The following DGKB variants were observed in gnomAD, a reference collection of about 807,000 sequenced individuals.
DGKB encodes 90 kDa diacylglycerol kinase.
Under a neutral mutation model 114.3 loss-of-function variants are expected in DGKB, and 67 were observed. The observed-to-expected ratio is 0.59, with a 90% CI of 0.48 to 0.72. The LOEUF (loss-of-function observed/expected upper bound fraction) is 0.72. Among genes scored for constraint, DGKB ranks in the 30% least tolerant of loss-of-function variants. DGKB has a pLI of 0.00. For missense variants in DGKB, 907 were observed against 975.2 expected, an observed-to-expected ratio of 0.93 and a Z score of 0.93; for synonymous variants, 398 against 323.1, an observed-to-expected ratio of 1.23 and a Z score of -2.49.
chr7:14,345,657 C>T (rs982321831), intron 21 of DGKB, among the ~76,000 whole-genome samples: 2 of 151,528 alleles, frequency 1.3e-5, no homozygotes, highest in African/African-American at 4.8e-5. Flanking sequence ...TTTTAAAAAA[C>T]GGTTTTAATG....
intron 21 of DGKB, among the ~76,000 whole-genome samples, chr7:14,449,262 T>C (rs1003694135): frequency 2.6e-5 from 4 of 152,108 alleles, no homozygotes; most frequent in East Asian, 1.9e-4. Flanking sequence ...GAGTGTTAAA[T>C]GTGGAAAACA....
intron 20 of DGKB, among the ~76,000 whole-genome samples, chr7:14,491,797 ATTATT>A (rs1483918662): frequency 3.9e-5 from 6 of 152,094 alleles, no homozygotes; most frequent in African/African-American, 7.2e-5. Flanking sequence ...CAAGAATAAT[ATTATT>A]TTAACTGTCC....
intron 1 of DGKB, among the ~76,000 whole-genome samples, chr7:14,842,125 A>G (rs1232484660): frequency 2.0e-5 from 3 of 152,252 alleles, no homozygotes; most frequent in Admixed American, 6.5e-5. Flanking sequence ...ACTATAATCA[A>G]TTGCTCAATA....
At chr7:14,251,067 G>A (rs2128390317) in intron 23 of DGKB, among the ~76,000 whole-genome samples, 1 of 152,250 alleles carries the variant, frequency 6.6e-6, no homozygotes, top group Non-Finnish European at 1.5e-5. Flanking sequence ...GCTGGATACT[G>A]TATTTTTATC....
chr7:14,779,613 AAAAGT>A (rs1434542168), intron 2 of DGKB, among the ~76,000 whole-genome samples: 1 of 152,218 alleles, frequency 6.6e-6, no homozygotes, highest in Non-Finnish European at 1.5e-5. Flanking sequence ...GTATAAAATA[AAAAGT>A]AAAGGCTCCC....
At chr7:14,646,845 T>C (rs1052751405) in intron 13 of DGKB, among the ~76,000 whole-genome samples, 6 of 151,776 alleles carry the variant, frequency 4.0e-5, no homozygotes, top group African/African-American at 7.2e-5. Flanking sequence ...GAGGGAAGAT[T>C]ACACCAATGA....
At chr7:14,216,163 G>A (rs970022906) in intron 23 of DGKB, among the ~76,000 whole-genome samples, 6 of 152,008 alleles carry the variant, frequency 3.9e-5, no homozygotes, top group African/African-American at 1.2e-4. Context: ...ATATGAACAC[G>A]TTATGAAATA....
intron 23 of DGKB, among the ~76,000 whole-genome samples, chr7:14,319,606 A>G (rs1807343355): frequency 6.6e-6 from 1 of 152,140 alleles, no homozygotes; most frequent in South Asian, 2.1e-4. Flanking sequence ...AGGGATCCTG[A>G]GACTAAAAGT....
At chr7:14,321,576 C>T (rs1332671387) in intron 23 of DGKB, among the ~76,000 whole-genome samples, 1 of 143,722 alleles carries the variant, frequency 7.0e-6, no homozygotes, top group Non-Finnish European at 1.5e-5. Flanking sequence ...TTCAGCCTTG[C>T]ACTGGAGACT....
intron 1 of DGKB, among the ~76,000 whole-genome samples, chr7:14,970,063 T>C (rs1266862218): frequency 6.6e-6 from 1 of 152,204 alleles, no homozygotes; most frequent in African/African-American, 2.4e-5. Context: ...AAAGTGAAAA[T>C]TTATGGGATC....
chr7:14,290,593 T>C (rs1055155798), intron 23 of DGKB, among the ~76,000 whole-genome samples: 2 of 152,166 alleles, frequency 1.3e-5, no homozygotes, highest in Non-Finnish European at 2.9e-5. Flanking sequence ...GTGGTTGTGA[T>C]GTGGAAGGAA....
intron 23 of DGKB, among the ~76,000 whole-genome samples, chr7:14,197,286 T>C (rs1005313067): frequency 1.3e-5 from 2 of 152,098 alleles, no homozygotes; most frequent in Admixed American, 6.6e-5. Context: ...AGTCGTATTC[T>C]TTTAAAAGTT....
intron 21 of DGKB, among the ~76,000 whole-genome samples, chr7:14,386,104 A>T (rs1820296986): frequency 6.6e-6 from 1 of 152,244 alleles, no homozygotes; most frequent in Admixed American, 6.5e-5. Flanking sequence ...ACTTTAATAT[A>T]TTTTGAAAAG....
chr7:14,800,516 C>A, intron 2 of DGKB, among the ~76,000 whole-genome samples: 1 of 152,234 alleles, frequency 6.6e-6, no homozygotes. Context: ...TGCCCTCAGA[C>A]ATCAGGCTCC....
chr7:14,973,519 GTTTTTTTGTTT>G (rs1436348636), intron 1 of DGKB, among the ~76,000 whole-genome samples: 7 of 126,298 alleles, frequency 5.5e-5, no homozygotes, highest in African/African-American at 2.1e-4. Context: ...TTTGTTTTTT[GTTTTTTTGTTT>G]TTTTTTTCTT....
At chr7:14,931,150 C>T (rs1390009187) in intron 1 of DGKB, among the ~76,000 whole-genome samples, 4 of 143,836 alleles carry the variant, frequency 2.8e-5, no homozygotes, top group South Asian at 2.2e-4. Context: ...CTCATCCTGT[C>T]GCCCAGGCTA....
At chr7:14,636,199 C>G (rs945933823) in intron 13 of DGKB, among the ~76,000 whole-genome samples, 2 of 151,728 alleles carry the variant, frequency 1.3e-5, no homozygotes, top group African/African-American at 4.8e-5. Flanking sequence ...TTATCATGAA[C>G]TTTCATTATG....
At chr7:14,151,278 A>T (rs1000456587) in intron 25 of DGKB, among the ~76,000 whole-genome samples, 3 of 151,998 alleles carry the variant, frequency 2.0e-5, no homozygotes, top group Non-Finnish European at 4.4e-5. Context: ...ATTTCCAAAT[A>T]GTTGTTAAGA....
chr7:14,590,742 C>T (rs1250392007), intron 17 of DGKB, among the ~76,000 whole-genome samples: 1 of 152,056 alleles, frequency 6.6e-6, no homozygotes, highest in African/African-American at 2.4e-5. Context: ...AGAATTAACA[C>T]CACGTGGTTT....
Sources: gnomAD v4.1 joint callset for allele counts (sites outside exome capture counted in the v4.1 genomes callset) on GRCh38, gnomAD v4.1.1 for gene constraint, MANE v1.5 for transcripts, NCBI Gene and HGNC (gene_info 2026-07-23, HGNC 2026-07-21) for gene names.